The following WDSUB1 variants were observed in gnomAD, a reference collection of about 807,000 sequenced individuals.
WDSUB1 encodes the protein WD repeat, SAM and U-box domain-containing protein 1.
Under a neutral mutation model 53.9 loss-of-function variants are expected in WDSUB1, and 49 were observed. That is an observed-to-expected ratio of 0.91 (90% CI 0.72 to 1.15). The LOEUF (loss-of-function observed/expected upper bound fraction) is 1.15, where lower values mean the gene tolerates loss of function less well. Ranked by LOEUF, WDSUB1 falls within the 50% of genes most tolerant of loss-of-function variation. The pLI is 0.00. For missense variants in WDSUB1, 514 were observed against 562.0 expected, an observed-to-expected ratio of 0.91 and a Z score of 0.86; for synonymous variants, 194 against 200.6, an observed-to-expected ratio of 0.97 and a Z score of 0.28.
chr2:159,250,736 G>A (rs188776817), intron 9 of WDSUB1, among the ~76,000 whole-genome samples: 15 of 152,288 alleles, frequency 9.8e-5, no homozygotes, highest in Non-Finnish European at 1.6e-4. Flanking sequence ...TAAGAGTAGA[G>A]ATAGATAAGA....
intron 8 of WDSUB1, 63 bp downstream of exon 8, chr2:159,257,695 C>CCT: frequency 6.8e-7 from 1 of 1,471,196 alleles, no homozygotes; most frequent in Admixed American, 1.7e-5. Flanking sequence ...GCCCGATTTA[C>CCT]TAACTTTCTG....
intron 9 of WDSUB1, among the ~76,000 whole-genome samples, chr2:159,254,461 C>T (rs1443477522): frequency 4.6e-5 from 7 of 151,846 alleles, no homozygotes; most frequent in South Asian, 2.1e-4. Context: ...CTCACGAGGC[C>T]GAGGTAGGAG....
intron 5 of WDSUB1, among the ~76,000 whole-genome samples, chr2:159,264,338 T>C (rs906396426): frequency 5.3e-5 from 8 of 152,212 alleles, no homozygotes; most frequent in African/African-American, 1.9e-4. Flanking sequence ...GTTAGCAATA[T>C]TGTAGAGAAA....
At chr2:159,282,085 A>C in intron 2 of WDSUB1, among the ~76,000 whole-genome samples, 1 of 152,180 alleles carries the variant, frequency 6.6e-6, no homozygotes, top group African/African-American at 2.4e-5. Context: ...AAACCATAAA[A>C]GTCTAACAAG....
intron 10 of WDSUB1, among the ~76,000 whole-genome samples, chr2:159,242,103 T>G (rs1575426556): frequency 1.4e-5 from 2 of 146,686 alleles, no homozygotes; most frequent in East Asian, 4.4e-4. Context: ...CAGGCTGGAG[T>G]GCAGTGGCAC....
At chr2:159,268,713 G>C (rs2061391547) in intron 5 of WDSUB1, among the ~76,000 whole-genome samples, 1 of 152,136 alleles carries the variant, frequency 6.6e-6, no homozygotes, top group African/African-American at 2.4e-5. Context: ...GTATTCAAAA[G>C]GAAAAGAGTA....
chr2:159,261,892 ATATATTTTTTTTTTTTT>A (rs1459318902), intron 5 of WDSUB1, among the ~76,000 whole-genome samples: 3 of 13,234 alleles, frequency 2.3e-4, no homozygotes, highest in Non-Finnish European at 3.3e-4. Context: ...ATATATATAT[ATATATTTTTTTTTTTTT>A]TTTTTTTTTT....
chr2:159,242,733 C>A (rs937148383), intron 10 of WDSUB1, among the ~76,000 whole-genome samples: 3 of 147,976 alleles, frequency 2.0e-5, no homozygotes, highest in Admixed American at 2.0e-4. Flanking sequence ...TAGAAGGATA[C>A]ACCTAAACCG....
chr2:159,244,151 C>CT (rs1192475144), intron 10 of WDSUB1, among the ~76,000 whole-genome samples: 2 of 152,184 alleles, frequency 1.3e-5, no homozygotes, highest in South Asian at 4.1e-4. Context: ...TGCTTTCCCT[C>CT]TAAGTGCAGG....
chr2:159,271,644 G>A (rs1274325027), intron 5 of WDSUB1, 58 bp downstream of exon 5: 17 of 1,398,086 alleles, frequency 1.2e-5, no homozygotes, highest in East Asian at 9.1e-5. Context: ...GTACTTTTCC[G>A]TGTGTCTGTT....
At chr2:159,260,096 G>GT (rs1222732255) in intron 5 of WDSUB1, among the ~76,000 whole-genome samples, 1 of 152,154 alleles carries the variant, frequency 6.6e-6, no homozygotes, top group Non-Finnish European at 1.5e-5. Context: ...GAGGTCAGGA[G>GT]TTTGAGACCA....
At chr2:159,247,321 A>G (rs1005702208) in intron 10 of WDSUB1, among the ~76,000 whole-genome samples, 6 of 152,376 alleles carry the variant, frequency 3.9e-5, no homozygotes, top group African/African-American at 1.4e-4. Flanking sequence ...AAGTAAGTCC[A>G]TCAGCTAATT....
chr2:159,275,685 A>AC (rs35620648), intron 3 of WDSUB1, 47 bp from the exon 4 acceptor site: 1,105,892 of 1,328,476 alleles, frequency 0.83, 471,337 homozygotes, highest in Admixed American at 0.9. Flanking sequence ...AAACACTGAA[A>AC]CCCCCCCAAA....
At chr2:159,262,083 G>T (rs983432513) in intron 5 of WDSUB1, among the ~76,000 whole-genome samples, 7 of 150,634 alleles carry the variant, frequency 4.6e-5, no homozygotes, top group Non-Finnish European at 8.9e-5. Context: ...AAAGAAAATG[G>T]TTCTCTCATC....
Position 159,236,045 on chromosome 2 carries a change from T to G in WDSUB1, c.1419A>C (p.Thr473=). The part of the protein sequence containing the change: ...LKMAINRWLE[T]HQK ...AATATCAACAATTTTACTTTTGGTG[T>G]GTCTCCAGCCATCTATTGATGGCCA... The change falls in exon 11 of 11, where the codon ACA becomes ACC. Residue 473 remains threonine, a synonymous_variant. Coordinates refer to ENST00000359774, the MANE Select transcript of WDSUB1 (RefSeq NM_001128212.3). 6.3e-7 allele frequency: 1 copy of G among 1,591,492 alleles called. No homozygotes were observed.
chr2:159,248,388 A>G lies in WDSUB1; in HGVS notation c.1257T>C (p.Asp419=), dbSNP rs769709773. The change falls in exon 10 of 11, where the codon GAT becomes GAC. Residue 419 remains aspartate (D), a synonymous_variant. Transcript: ENST00000359774. ...ICPITRELMK[D]PVIASDGYSY... is the part of the protein sequence containing the mutation. ...CACACATACCTGATGCGATGACCGGATCTTTCATAAGTTCTCTAGTTATTG... is the reference window on the plus strand; with the variant it reads ...CACACATACCTGATGCGATGACCGGGTCTTTCATAAGTTCTCTAGTTATTG... 2 of 1,611,968 alleles carry G rather than the reference A, an allele frequency of 1.2e-6. No homozygotes were observed. The highest frequency in any genetic ancestry group is 1.7e-6 in the Non-Finnish European group (2 of 1,179,278).
intron 5 of WDSUB1, among the ~76,000 whole-genome samples, chr2:159,267,673 TTCA>T (rs1330301762): frequency 3.3e-5 from 5 of 152,166 alleles, no homozygotes; most frequent in African/African-American, 1.2e-4. Flanking sequence ...GCCACTTATA[TTCA>T]TATACAGCCT....
In WDSUB1 at chr2:159,282,695, A is replaced by C; in HGVS notation, c.375T>G (p.Asn125Lys). 6.2e-7 allele frequency: 1 copy of C among 1,613,420 alleles called. No homozygotes were observed. The highest frequency in any genetic ancestry group is 1.7e-5 in the Admixed American group (1 of 60,010). ...GAADGTVVLW[N>K]AQSYKLYRCG... ...ACCTATATAATTTGTATGACTGTGCATTCCACAAAACCACAGTTCCATCAG... is the reference window on the plus strand; with the variant it reads ...ACCTATATAATTTGTATGACTGTGCCTTCCACAAAACCACAGTTCCATCAG... The change falls in exon 2 of 11, where the codon AAT becomes AAG. Residue 125 changes from asparagine (N) to lysine (K), a missense_variant. Coordinates refer to ENST00000359774, the MANE Select transcript of WDSUB1 (RefSeq NM_001128212.3).
chr2:159,271,303 C>T (rs1363156502), intron 5 of WDSUB1, among the ~76,000 whole-genome samples: 3 of 152,036 alleles, frequency 2.0e-5, no homozygotes, highest in Non-Finnish European at 4.4e-5. Context: ...ATCATATAAC[C>T]ATTAACATTA....
Sources: allele counts gnomAD v4.1 joint callset (sites outside exome capture counted in the v4.1 genomes callset), GRCh38; gene constraint gnomAD v4.1.1; transcripts MANE v1.5; gene names NCBI Gene and HGNC (gene_info 2026-07-23, HGNC 2026-07-21).